ZCCHC14: variants seen among roughly 807,000 people sequenced by gnomAD.
The protein encoded by ZCCHC14 is zinc finger CCHC domain-containing protein 14.
A neutral mutation model predicts 85.0 loss-of-function variants in ZCCHC14; 16 were observed. That is an observed-to-expected ratio of 0.19 (90% CI 0.13 to 0.29). The LOEUF is 0.29. Ranked by LOEUF, ZCCHC14 falls within the 10% of genes least tolerant of loss-of-function variation. The probability of loss-of-function intolerance (pLI) is 1.00; values close to 1 mark genes in which losing one functional copy is unlikely to be tolerated. For synonymous variants in ZCCHC14, 775 were observed against 630.7 expected (o/e 1.23, Z -3.43); for missense variants, 1,303 against 1,443.5 (o/e 0.90, Z 1.58).
intron 1 of ZCCHC14, among the ~76,000 whole-genome samples, chr16:87,484,053 C>A (rs1325664740): frequency 6.6e-6 from 1 of 152,180 alleles, no homozygotes; most frequent in Non-Finnish European, 1.5e-5. Context: ...CAGGAGGCAC[C>A]TGTGTGTGCA....
intron 1 of ZCCHC14, among the ~76,000 whole-genome samples, chr16:87,480,316 T>C (rs1020298795): frequency 3.9e-5 from 6 of 152,100 alleles, no homozygotes; most frequent in Admixed American, 2.0e-4. Context: ...GGCAGGAGAA[T>C]GGCGTGAACC....
At chr16:87,410,746 G>A (rs1043308876) in intron 12 of ZCCHC14, among the ~76,000 whole-genome samples, 2 of 152,224 alleles carry the variant, frequency 1.3e-5, no homozygotes, top group Non-Finnish European at 2.9e-5. Flanking sequence ...CAGAGCGCCT[G>A]TCAACCCACC....
rs531183677 is a variant in ZCCHC14 at position 87,441,564 on chromosome 16, T to A, written c.695-8363A>T. ...ATAAACATACTGGTGTTACTCCATTTGTGCCTCCAGAGTAAGAACACAAAA... is the reference window on the plus strand; with the variant it reads ...ATAAACATACTGGTGTTACTCCATTAGTGCCTCCAGAGTAAGAACACAAAA... On this transcript the variant is annotated intron_variant, in intron 2 of 12. Transcript: ENST00000671377. Among the ~76,000 whole-genome samples the A allele has an allele frequency of 1.9e-3, 296 of 152,350 alleles. 1 individual carries two copies. The highest frequency in any genetic ancestry group is 6.7e-3 in the African/African-American group (278 of 41,582).
chr16:87,446,874 C>T (rs748595951), intron 2 of ZCCHC14, among the ~76,000 whole-genome samples: 50 of 151,890 alleles, frequency 3.3e-4, no homozygotes, highest in Middle Eastern at 3.4e-3. Context: ...TTAGTAGAGA[C>T]GGGGGTTTCA....
rs140369268 is a variant in ZCCHC14, at chr16:87,459,570, C to T, written c.694+438G>A. ...TGTTGCCCAGGCTGGAGTGCAATGG[C>T]GTGATCTTGGCTTACCACGACCTCC... On this transcript the variant is annotated intron_variant, in intron 2 of 12. Coordinates refer to ENST00000671377, the MANE Select transcript of ZCCHC14 (RefSeq NM_015144.3). Among the ~76,000 whole-genome samples the T allele has an allele frequency of 1.0e-3, 155 of 150,886 alleles. 1 individual carries two copies. The East Asian group carries it at 0.015, about 15-fold the overall frequency.
intron 3 of ZCCHC14, among the ~76,000 whole-genome samples, chr16:87,429,857 T>C (rs1909561442): frequency 6.6e-6 from 1 of 152,228 alleles, no homozygotes; most frequent in Admixed American, 6.5e-5. Flanking sequence ...TCCGTCCGCC[T>C]TGGGCTCCCA....
At chr16:87,490,047 C>T (rs1597188786) in intron 1 of ZCCHC14, among the ~76,000 whole-genome samples, 5 of 152,128 alleles carry the variant, frequency 3.3e-5, no homozygotes, top group Admixed American at 3.3e-4. Flanking sequence ...AACTACATTT[C>T]CTAGGACCCT....
At position 87,416,540 on chromosome 16, in the gene ZCCHC14, G is replaced by C. The variant is rs190441182; in HGVS notation, c.1383+920C>G. On this transcript the variant is annotated intron_variant, in intron 8 of 12. Coordinates refer to ENST00000671377, the MANE Select transcript of ZCCHC14 (RefSeq NM_015144.3). ...TGGGAGACCGAGGTGGGCAGATCATGAGTCAGGAGTTCGAGACTAGCCTGG... is the reference window on the plus strand; with the variant it reads ...TGGGAGACCGAGGTGGGCAGATCATCAGTCAGGAGTTCGAGACTAGCCTGG... 4.5e-3 allele frequency among the ~76,000 whole-genome samples: 681 copies of C among 152,150 alleles called. 3 individuals carry two copies. The highest frequency in any genetic ancestry group is 0.015 in the African/African-American group (633 of 41,530).
chr16:87,491,658 C>T lies in ZCCHC14; in HGVS notation c.570+11G>A. 1 of 1,395,350 alleles carries T rather than the reference C, an allele frequency of 7.2e-7. No individual in the cohort carries two copies. The highest frequency in any genetic ancestry group is 3.6e-5 in the Admixed American group (1 of 27,764). 86.4% of individuals were successfully genotyped at this position (1,395,350 alleles called of 1,614,324 possible). On this transcript the variant is annotated intron_variant, in intron 1 of 12. Transcript: ENST00000671377. The surrounding 1 kb of genome is among the most constrained non-coding windows in gnomAD (Gnocchi z 5.9). ...TTGGGGTACAGGGCAGAGCTCGGGG[C>T]GGGCACGCACCTTGTGGCAGGCTGG...
chr16:87,449,601 C>G (rs983671110), intron 2 of ZCCHC14, among the ~76,000 whole-genome samples: 4 of 152,062 alleles, frequency 2.6e-5, no homozygotes, highest in African/African-American at 9.7e-5. Context: ...CGCCAAATGT[C>G]TTTCTTTAAT....
chr16:87,412,355 G>C lies in ZCCHC14; in HGVS notation c.2366C>G (p.Ser789Cys). ...SSSVPADSAI[S>C]GQTSCPNNVQ... is the part of the protein sequence containing the mutation. ...ATTATTAGGACAGGAAGTTTGCCCA[G>C]AAATGGCAGAATCAGCAGGAACAGA... Residue 789 changes from serine (S) to cysteine (C), a missense_variant, in exon 12 of 13, where the codon TCT (serine) becomes TGT (cysteine). By Grantham distance (112) the Ser-to-Cys change is moderately radical. Coordinates refer to ENST00000671377, the MANE Select transcript of ZCCHC14 (RefSeq NM_015144.3). 1 of 1,614,174 alleles carries C rather than the reference G, an allele frequency of 6.2e-7. No homozygotes were observed. Among genetic ancestry groups the C allele is most frequent in the African/African-American group, 1.3e-5 (1 of 75,074 alleles).
At chr16:87,467,598 G>A in intron 1 of ZCCHC14, 1 of 1,338,318 alleles carries the variant, frequency 7.5e-7, no homozygotes, top group Admixed American at 1.7e-5. Context: ...TAGGTGTCAA[G>A]GATCTGGAGA....
At chr16:87,437,586 C>T (rs1422255364) in intron 2 of ZCCHC14, among the ~76,000 whole-genome samples, 15 of 152,322 alleles carry the variant, frequency 9.8e-5, no homozygotes, top group Middle Eastern at 3.4e-3. Context: ...GGGACAAACA[C>T]GGCTGGGGCA....
chr16:87,478,672 T>C (rs1383425679), intron 1 of ZCCHC14, among the ~76,000 whole-genome samples: 1 of 151,836 alleles, frequency 6.6e-6, no homozygotes, highest in Non-Finnish European at 1.5e-5. Flanking sequence ...AGTGGCGCCA[T>C]CTTGGCTCAC....
rs115018597 is a variant in ZCCHC14, at chr16:87,423,976, G to C, written c.769-95C>G. 3.4e-4 allele frequency: 463 copies of C among 1,367,346 alleles called. 2 individuals are homozygous for C. In the African/African-American group the frequency reaches 5.9e-3, roughly 18 times the overall value. The allele number at this position is 1,367,346 out of a possible 1,614,324, so 84.7% of individuals were successfully genotyped here. A position where few individuals can be genotyped will look rare whatever the true frequency, so the allele number is the denominator to read the frequency against. On this transcript the variant is annotated intron_variant, in intron 3 of 12. Coordinates refer to ENST00000671377, the MANE Select transcript of ZCCHC14 (RefSeq NM_015144.3). Reference sequence around the variant, plus strand: ...GTACGACTGGGGCACACGTTCAGTCGGCAGCTGAGCCCAGTGGGCCGTGCA... The same window carrying C: ...GTACGACTGGGGCACACGTTCAGTCCGCAGCTGAGCCCAGTGGGCCGTGCA...
intron 1 of ZCCHC14, among the ~76,000 whole-genome samples, chr16:87,479,773 G>T (rs1215587654): frequency 1.3e-5 from 2 of 152,152 alleles, no homozygotes; most frequent in East Asian, 3.9e-4. Flanking sequence ...GGCTCCACAG[G>T]AGACAAGGCC....
Position 87,492,645 on chromosome 16 carries a change from C to A in ZCCHC14, c.-407G>T, listed in dbSNP as rs1912826605. The A allele has an allele frequency of 6.9e-6, 1 of 145,690 alleles. No homozygotes were observed. The highest frequency in any genetic ancestry group is 6.8e-5 in the Admixed American group (1 of 14,664). 9.0% of individuals were successfully genotyped at this position (145,690 alleles called of 1,614,324 possible). ...CCCGGGAGGCGGCCGCCCCCATCTC[C>A]CCCCGCGCCGCAGGGTCTGTCACTG... On this transcript the variant is annotated 5_prime_UTR_variant, in exon 1 of 13. Transcript: ENST00000671377. The surrounding 1 kb of genome is among the most constrained non-coding windows in gnomAD (Gnocchi z 6.7).
chr16:87,433,296 G>T (rs984936467), intron 2 of ZCCHC14, 95 bp from the exon 3 acceptor site: 4 of 1,199,848 alleles, frequency 3.3e-6, no homozygotes, highest in African/African-American at 1.5e-5. Context: ...TCAAAACCAG[G>T]TTCTCAGCAC....
chr16:87,427,817 TTG>T (rs1597409808), intron 3 of ZCCHC14, among the ~76,000 whole-genome samples: 1 of 19,596 alleles, frequency 5.1e-5, no homozygotes, highest in East Asian at 3.3e-4. Context: ...TTTGTACTTT[TTG>T]CACTTTTTGC....
Sources: allele counts gnomAD v4.1 joint callset (sites outside exome capture counted in the v4.1 genomes callset), GRCh38; gene constraint gnomAD v4.1.1; non-coding constraint Gnocchi (gnomAD v3.1); transcripts MANE v1.5; gene names NCBI Gene and HGNC (gene_info 2026-07-23, HGNC 2026-07-21).